EPHA5: variants seen among roughly 807,000 people sequenced by gnomAD.
The protein encoded by EPHA5 is EPH receptor A5, also known as ephrin type-A receptor 5.
In EPHA5, 60 loss-of-function variants were observed where a neutral mutation model predicts 105.0. The observed-to-expected ratio is 0.57, with a 90% CI of 0.46 to 0.71. The LOEUF (loss-of-function observed/expected upper bound fraction) is 0.71. Ranked by LOEUF, EPHA5 falls within the 30% of genes least tolerant of loss-of-function variation. The probability of loss-of-function intolerance (pLI) is 0.00; values close to 1 mark genes in which losing one functional copy is unlikely to be tolerated. For synonymous variants in EPHA5, 513 were observed against 449.1 expected, an observed-to-expected ratio of 1.14 and a Z score of -1.80; for missense variants, 1,218 against 1,274.7, an observed-to-expected ratio of 0.96 and a Z score of 0.68.
intron 3 of EPHA5, among the ~76,000 whole-genome samples, chr4:65,591,330 TA>T (rs1742626888): frequency 6.6e-6 from 1 of 151,740 alleles, no homozygotes; most frequent in African/African-American, 2.4e-5. Context: ...ATAACACCTC[TA>T]AATTCATGCC....
intron 5 of EPHA5, among the ~76,000 whole-genome samples, chr4:65,463,136 A>G (rs550516642): frequency 1.3e-5 from 2 of 152,288 alleles, no homozygotes; most frequent in South Asian, 4.1e-4. Context: ...TTTAAAGTGG[A>G]AAATATCTCT....
chr4:65,350,977 A>G (rs1395280065), intron 13 of EPHA5, among the ~76,000 whole-genome samples: 2 of 151,790 alleles, frequency 1.3e-5, no homozygotes, highest in African/African-American at 4.8e-5. Flanking sequence ...ACCCAATAAT[A>G]TTATACATGT....
At chr4:65,478,669 G>T (rs1216305972) in intron 5 of EPHA5, among the ~76,000 whole-genome samples, 3 of 151,828 alleles carry the variant, frequency 2.0e-5, no homozygotes, top group African/African-American at 7.3e-5. Flanking sequence ...ATGGGGTTCC[G>T]CCATGCTGGC....
intron 2 of EPHA5, among the ~76,000 whole-genome samples, chr4:65,612,068 A>G (rs1744830759): frequency 6.9e-6 from 1 of 145,806 alleles, no homozygotes; most frequent in Non-Finnish European, 1.5e-5. Context: ...AAGAAAAGAA[A>G]AGAAATTGAG....
At chr4:65,520,188 C>T (rs980017866) in intron 3 of EPHA5, among the ~76,000 whole-genome samples, 2 of 152,048 alleles carry the variant, frequency 1.3e-5, no homozygotes, top group Non-Finnish European at 2.9e-5. Flanking sequence ...AGATATAGAC[C>T]AATGGAACAA....
At chr4:65,601,032 A>AT (rs763486284) in intron 3 of EPHA5, among the ~76,000 whole-genome samples, 4 of 152,150 alleles carry the variant, frequency 2.6e-5, no homozygotes, top group Non-Finnish European at 5.9e-5. Context: ...TCAAATAGTT[A>AT]TTTTTGTGGG....
At chr4:65,652,848 A>C (rs762314306) in intron 1 of EPHA5, among the ~76,000 whole-genome samples, 10 of 152,124 alleles carry the variant, frequency 6.6e-5, no homozygotes, top group Non-Finnish European at 1.5e-4. Context: ...AAGTTACAAG[A>C]TTCCAGAAAG....
At chr4:65,519,479 G>T (rs1315387878) in intron 3 of EPHA5, among the ~76,000 whole-genome samples, 1 of 152,088 alleles carries the variant, frequency 6.6e-6, no homozygotes, top group Non-Finnish European at 1.5e-5. Context: ...AGACAGGGAT[G>T]CCCTCTCTCA....
intron 3 of EPHA5, among the ~76,000 whole-genome samples, chr4:65,569,720 A>G (rs1490310517): frequency 1.3e-5 from 2 of 151,736 alleles, no homozygotes; most frequent in Non-Finnish European, 3.0e-5. Context: ...TGCAAGTGAA[A>G]AATTTTAAAG....
At chr4:65,490,232 G>A (rs751576990) in intron 5 of EPHA5, 145 bp downstream of exon 5, 29 of 642,152 alleles carry the variant, frequency 4.5e-5, no homozygotes, top group Non-Finnish European at 6.9e-5. Flanking sequence ...CTGCAAAAGC[G>A]TTTTTGATGT....
intron 1 of EPHA5, among the ~76,000 whole-genome samples, chr4:65,664,324 G>C (rs1271607009): frequency 6.6e-6 from 1 of 151,764 alleles, no homozygotes; most frequent in Non-Finnish European, 1.5e-5. Context: ...TAGTACATCA[G>C]AAAATCTCTT....
At chr4:65,515,295 A>G (rs940002256) in intron 3 of EPHA5, among the ~76,000 whole-genome samples, 13 of 152,126 alleles carry the variant, frequency 8.5e-5, no homozygotes, top group Non-Finnish European at 1.8e-4. Context: ...TTCTTTTTTA[A>G]AAAAAACAAC....
intron 5 of EPHA5, among the ~76,000 whole-genome samples, chr4:65,457,311 G>A (rs1727694850): frequency 6.6e-6 from 1 of 152,080 alleles, no homozygotes; most frequent in Admixed American, 6.5e-5. Flanking sequence ...TAAACTTGGT[G>A]TCCTCGCCTG....
Position 65,365,121 on chromosome 4 carries a change from A to T in EPHA5, c.2069T>A (p.Val690Glu), listed in dbSNP as rs2148888586. 1 of 1,611,836 alleles carries T rather than the reference A, an allele frequency of 6.2e-7. No individual in the cohort carries two copies. The highest frequency in any genetic ancestry group is 1.3e-5 in the African/African-American group (1 of 74,890). Residue 690 changes from valine to glutamate, a missense_variant, in exon 11 of 17, where the codon GTA (valine) becomes GAA (glutamate). Physicochemically the swap from Val to Glu is moderately radical, Grantham distance 121 (BLOSUM62 -2). Coordinates refer to ENST00000613740, the MANE Select transcript of EPHA5 (RefSeq NM_001281766.3). ...TCTGCGTTGCTTTTCAGTATAGCCT[A>T]CTTTAAGGGTTTTGATAGCCACAGG... ...ELPVAIKTLKVGYTEKQRRDF... is the reference protein window; with the variant it reads ...ELPVAIKTLKEGYTEKQRRDF...
intron 11 of EPHA5, among the ~76,000 whole-genome samples, chr4:65,358,452 T>G (rs1462204870): frequency 6.6e-6 from 1 of 151,592 alleles, no homozygotes; most frequent in Non-Finnish European, 1.5e-5. Flanking sequence ...GTTTTCTATT[T>G]AGTATACTTA....
chr4:65,552,029 C>T (rs1578404808), intron 3 of EPHA5, among the ~76,000 whole-genome samples: 1 of 152,046 alleles, frequency 6.6e-6, no homozygotes, highest in African/African-American at 2.4e-5. Flanking sequence ...ATGATTTAGG[C>T]CTCGATTATT....
chr4:65,528,518 T>C (rs1293380304), intron 3 of EPHA5, among the ~76,000 whole-genome samples: 1 of 152,166 alleles, frequency 6.6e-6, no homozygotes, highest in Admixed American at 6.6e-5. Flanking sequence ...GAGAATTCAA[T>C]GTGTACAGGC....
At chr4:65,534,809 A>G (rs1298650627) in intron 3 of EPHA5, among the ~76,000 whole-genome samples, 2 of 152,208 alleles carry the variant, frequency 1.3e-5, no homozygotes, top group African/African-American at 2.4e-5. Flanking sequence ...CATCAAATAC[A>G]ACAAAACATG....
chr4:65,510,988 T>C (rs62299213), intron 3 of EPHA5, among the ~76,000 whole-genome samples: 32,635 of 151,914 alleles, frequency 0.21, 3,820 homozygotes, highest in Middle Eastern at 0.33. Flanking sequence ...TCAATCAATC[T>C]CTCTCTCTCT....
Sources: gnomAD v4.1 joint callset for allele counts (sites outside exome capture counted in the v4.1 genomes callset) on GRCh38, gnomAD v4.1.1 for gene constraint, MANE v1.5 for transcripts, NCBI Gene and HGNC (gene_info 2026-07-23, HGNC 2026-07-21) for gene names.